Variants in SEC23A observed in about 807,000 individuals in gnomAD.
SEC23A encodes the protein protein transport protein Sec23A.
A neutral mutation model predicts 103.7 loss-of-function variants in SEC23A; 56 were observed. That is an observed-to-expected ratio of 0.54 (90% confidence interval 0.44 to 0.67). The LOEUF is 0.67. SEC23A is among the 30% of genes least tolerant of loss of function. The probability of loss-of-function intolerance (pLI) is 0.00; values close to 1 mark genes in which losing one functional copy is unlikely to be tolerated. For missense variants in SEC23A, 784 were observed against 936.4 expected, an observed-to-expected ratio of 0.84 and a Z score of 2.12; for synonymous variants, 281 against 293.0, an observed-to-expected ratio of 0.96 and a Z score of 0.42.
intron 10 of SEC23A, 129 bp downstream of exon 10, chr14:39,067,044 G>T (rs1478501901): frequency 1.8e-6 from 2 of 1,127,462 alleles, no homozygotes; most frequent in Non-Finnish European, 2.6e-6. Context: ...TCTAACTCAG[G>T]TTTCAATATA....
chr14:39,047,510 C>CAACA (rs1885883312), intron 15 of SEC23A: 12 of 514,190 alleles, frequency 2.3e-5, no homozygotes, highest in Admixed American at 4.8e-5. Context: ...ACAACAACAA[C>CAACA]AAAAAAAAAA....
chr14:39,041,473 A>AAAGG (rs2139187015), intron 17 of SEC23A: 1 of 129,932 alleles, frequency 7.7e-6, no homozygotes, highest in East Asian at 2.3e-4. Flanking sequence ...TTTTTTTAAC[A>AAAGG]AAGGCAAGAA....
At position 39,045,100 on chromosome 14, in the gene SEC23A, T is replaced by C. The variant is rs556276845; in HGVS notation, c.1899+63A>G. The C allele has an allele frequency of 2.0e-4, 294 of 1,449,970 alleles. No individual in the cohort carries two copies. The African/African-American group carries it at 2.9e-3, about 14-fold the overall frequency. The allele number at this position is 1,449,970 out of a possible 1,614,324, so 89.8% of individuals were successfully genotyped here. ...ACTATATGCATTTTTTTAGTTATTT[T>C]CACTTTTTTAATGCCACACATTGCA... On this transcript the variant is annotated intron_variant, in intron 16 of 19. Coordinates refer to ENST00000307712, the MANE Select transcript of SEC23A (RefSeq NM_006364.4).
chr14:39,042,937 T>C (rs1219050135), intron 16 of SEC23A, 65 bp from the exon 17 acceptor site: 15 of 986,988 alleles, frequency 1.5e-5, no homozygotes, highest in South Asian at 4.2e-5. Flanking sequence ...TAATATAAAA[T>C]AGATGTTTCC....
rs114211915 is a variant in SEC23A at position 39,078,079 on chromosome 14, G to T, written c.829-1986C>A. On this transcript the variant is annotated intron_variant, in intron 7 of 19. Coordinates refer to ENST00000307712, the MANE Select transcript of SEC23A (RefSeq NM_006364.4). ...AGCCTGGGCAACAAAGGGAGACCTT[G>T]TCTGAAAAAAATAAATAAATAACAA... Among the ~76,000 whole-genome samples, 1,098 of 152,056 alleles carry T rather than the reference G, an allele frequency of 7.2e-3. 16 individuals carry two copies. The highest frequency in any genetic ancestry group is 0.025 in the African/African-American group (1,044 of 41,486).
At chr14:39,102,401 T>G (rs988305486) in intron 1 of SEC23A, among the ~76,000 whole-genome samples, 2 of 152,176 alleles carry the variant, frequency 1.3e-5, no homozygotes, top group Non-Finnish European at 2.9e-5. Context: ...GGAGTTCAAG[T>G]GAAAACGAGA....
At chr14:39,059,215 T>C (rs563404630) in intron 13 of SEC23A, among the ~76,000 whole-genome samples, 8 of 148,326 alleles carry the variant, frequency 5.4e-5, no homozygotes, top group Non-Finnish European at 8.9e-5. Context: ...AGCCTTTATT[T>C]TCATATGGCT....
intron 2 of SEC23A, among the ~76,000 whole-genome samples, chr14:39,095,503 C>T (rs1035243367): frequency 6.6e-6 from 1 of 151,938 alleles, no homozygotes; most frequent in Non-Finnish European, 1.5e-5. Flanking sequence ...CCACCATGTT[C>T]GTCAGGCTGG....
chr14:39,043,003 G>T (rs937732811), intron 16 of SEC23A, 131 bp from the exon 17 acceptor site: 3 of 621,338 alleles, frequency 4.8e-6, no homozygotes, highest in African/African-American at 1.9e-5. Flanking sequence ...TTGGAGAAGG[G>T]TCTTGCTCTG....
chr14:39,072,866 A>T (rs1886885769), intron 9 of SEC23A, among the ~76,000 whole-genome samples: 1 of 152,204 alleles, frequency 6.6e-6, no homozygotes, highest in South Asian at 2.1e-4. Context: ...GATGTGGAGA[A>T]ACTGGAATCC....
chr14:39,069,791 A>T (rs1488382552), intron 9 of SEC23A, among the ~76,000 whole-genome samples: 1 of 152,038 alleles, frequency 6.6e-6, no homozygotes, highest in African/African-American at 2.4e-5. Flanking sequence ...TGTACTTGCT[A>T]TTCCTCACTT....
At chr14:39,091,337 C>T (rs1887655798) in intron 5 of SEC23A, 140 bp downstream of exon 5, 3 of 661,274 alleles carry the variant, frequency 4.5e-6, no homozygotes, top group African/African-American at 3.6e-5. Context: ...GAAGCCAGCA[C>T]TGAATTTAAA....
At chr14:39,046,663 C>T (rs2139196261) in intron 15 of SEC23A, among the ~76,000 whole-genome samples, 1 of 152,266 alleles carries the variant, frequency 6.6e-6, no homozygotes, top group South Asian at 2.1e-4. Context: ...TTCCCTATAC[C>T]TAAGAAACAT....
Position 39,055,146 on chromosome 14 carries a change from T to C in SEC23A, c.1656A>G (p.Arg552=). 6.2e-7 allele frequency: 1 copy of C among 1,614,176 alleles called. No homozygotes were observed. The highest frequency in any genetic ancestry group is 8.5e-7 in the Non-Finnish European group (1 of 1,180,014). ...AAGCACAGTGTTTATTTCTTACCAGTCGAATGAGCTGTCTGTCCAGCCACC... is the reference window on the plus strand; with the variant it reads ...AAGCACAGTGTTTATTTCTTACCAGCCGAATGAGCTGTCTGTCCAGCCACC... The part of the protein sequence containing the change: ...VLRWLDRQLI[R]LCQKFGEYHK... Residue 552 remains arginine, a synonymous_variant, in exon 14 of 20, where the codon CGA becomes CGG. Transcript: ENST00000307712.
chr14:39,063,099 G>A (rs553721444), intron 12 of SEC23A, among the ~76,000 whole-genome samples: 4 of 152,116 alleles, frequency 2.6e-5, no homozygotes, highest in African/African-American at 9.7e-5. Context: ...GGCTACCCAA[G>A]GTTTGGCGTT....
At chr14:39,063,983 G>T (rs1009388984) in intron 11 of SEC23A, among the ~76,000 whole-genome samples, 8 of 125,690 alleles carry the variant, frequency 6.4e-5, no homozygotes, top group Non-Finnish European at 1.5e-4. Context: ...GAGGCAAAGC[G>T]AGACTCCGTC....
chr14:39,102,129 G>C (rs1888122362), intron 1 of SEC23A, among the ~76,000 whole-genome samples: 1 of 151,986 alleles, frequency 6.6e-6, no homozygotes, highest in Admixed American at 6.6e-5. Flanking sequence ...CTACTCGGGA[G>C]GCTGAAGCAG....
chr14:39,094,837 G>A lies in SEC23A; in HGVS notation c.221+1061C>T. On this transcript the variant is annotated intron_variant, in intron 2 of 19. Coordinates refer to ENST00000307712, the MANE Select transcript of SEC23A (RefSeq NM_006364.4). Reference sequence around the variant, plus strand: ...TAAGGTATTATGTAGATGAGAATAAGGAAAATGGATAACACAAGATGAAGG... The same window carrying A: ...TAAGGTATTATGTAGATGAGAATAAAGAAAATGGATAACACAAGATGAAGG... 1.0e-5 allele frequency: 6 copies of A among 594,808 alleles called. No homozygotes were observed. In the South Asian group the frequency reaches 1.3e-4, roughly 13 times the overall value. 36.8% of individuals were successfully genotyped at this position (594,808 alleles called of 1,614,324 possible).
intron 1 of SEC23A, among the ~76,000 whole-genome samples, chr14:39,099,132 G>A (rs1887992753): frequency 6.9e-6 from 1 of 145,026 alleles, no homozygotes; most frequent in Admixed American, 6.9e-5. Context: ...GAGCTTTCAA[G>A]CAAACATTAA....
Sources: allele counts gnomAD v4.1 joint callset (sites outside exome capture counted in the v4.1 genomes callset), GRCh38; gene constraint gnomAD v4.1.1; transcripts MANE v1.5; gene names NCBI Gene and HGNC (gene_info 2026-07-23, HGNC 2026-07-21).